Variants in CAPN7 observed in about 807,000 individuals in gnomAD.
CAPN7 encodes calpain 7, also known as calpain-7.
CAPN7 carries 72 observed loss-of-function variants against 115.2 expected under a neutral mutation model. The observed-to-expected ratio is 0.63, with a 90% CI of 0.52 to 0.76. The LOEUF (loss-of-function observed/expected upper bound fraction) is 0.76. Among genes scored for constraint, CAPN7 ranks in the 30% least tolerant of loss-of-function variants. The pLI is 0.00. For missense variants in CAPN7, 905 were observed against 971.5 expected (o/e 0.93, Z 0.91); for synonymous variants, 344 against 322.3 (o/e 1.07, Z -0.72).
intron 11 of CAPN7, 108 bp from the exon 12 acceptor site, chr3:15,234,917 A>C: frequency 2.4e-6 from 2 of 831,126 alleles, no homozygotes; most frequent in Non-Finnish European, 3.6e-6. Context: ...CTTCAGGGGT[A>C]GGAACAGCCC....
chr3:15,208,531 A>G (rs1268469670), intron 1 of CAPN7, among the ~76,000 whole-genome samples: 1 of 151,064 alleles, frequency 6.6e-6, no homozygotes, highest in Non-Finnish European at 1.5e-5. Context: ...TCCTGGGTCA[A>G]GCGATCTTCC....
intron 2 of CAPN7, among the ~76,000 whole-genome samples, chr3:15,214,708 C>T (rs769569555): frequency 2.6e-5 from 4 of 152,072 alleles, no homozygotes; most frequent in Non-Finnish European, 5.9e-5. Flanking sequence ...CAGAGTAAGA[C>T]CCTGTCTCGA....
At chr3:15,250,054 C>T (rs1452377385) in intron 19 of CAPN7, among the ~76,000 whole-genome samples, 5 of 150,512 alleles carry the variant, frequency 3.3e-5, no homozygotes, top group East Asian at 2.1e-4. Flanking sequence ...TGAGCCACCG[C>T]GCCTGGCCAA....
In CAPN7 at chr3:15,247,384, C is replaced by T. The variant is rs777072642; in HGVS notation, c.2131C>T (p.His711Tyr). Residue 711 changes from histidine to tyrosine, a missense_variant, in exon 19 of 21, where the codon CAC (histidine) becomes TAC (tyrosine). His to Tyr is a moderately conservative substitution (Grantham distance 83). This residue lies in a region of CAPN7 where 620 missense variants were observed against 703.4 expected (regional missense o/e 0.88). Coordinates refer to ENST00000253693, the MANE Select transcript of CAPN7 (RefSeq NM_014296.3). Reference sequence around the variant, plus strand: ...AGGATGTGGAAATTTCCAAGAGACTCACAAAAATAACCCCATCTACCAATT... The same window carrying T: ...AGGATGTGGAAATTTCCAAGAGACTTACAAAAATAACCCCATCTACCAATT... ...AGGCGNFQET[H>Y]KNNPIYQFHI... 3.1e-6 allele frequency: 5 copies of T among 1,610,206 alleles called. No individual in the cohort carries two copies. The South Asian group carries it at 5.5e-5, about 18-fold the overall frequency.
At chr3:15,217,367 G>A (rs928701796) in intron 2 of CAPN7, 58 bp from the exon 3 acceptor site, 17 of 1,336,256 alleles carry the variant, frequency 1.3e-5, no homozygotes, top group Non-Finnish European at 1.3e-5. Context: ...TGAAAATAGT[G>A]TGTTTTCTGG....
chr3:15,217,652 C>T (rs991505601), intron 3 of CAPN7, 70 bp downstream of exon 3: 17 of 1,257,804 alleles, frequency 1.4e-5, no homozygotes, highest in Admixed American at 2.5e-5. Context: ...GTGAATTTTA[C>T]ATAACACCTT....
chr3:15,228,748 A>G (rs1044777103), intron 7 of CAPN7, among the ~76,000 whole-genome samples: 9 of 152,154 alleles, frequency 5.9e-5, no homozygotes, highest in Non-Finnish European at 1.0e-4. Context: ...AAAAATAACT[A>G]TTGGGTACTG....
At chr3:15,215,692 A>G (rs1344821377) in intron 2 of CAPN7, among the ~76,000 whole-genome samples, 2 of 152,214 alleles carry the variant, frequency 1.3e-5, no homozygotes, top group African/African-American at 4.8e-5. Context: ...TGGCTGAGTA[A>G]TATTTCATTG....
intron 1 of CAPN7, 143 bp from the exon 2 acceptor site, chr3:15,211,956 CTACTT>C (rs2044979462): frequency 6.5e-6 from 3 of 461,560 alleles, no homozygotes; most frequent in Non-Finnish European, 1.2e-5. Flanking sequence ...GATTGTATAA[CTACTT>C]TATGAAAAAA....
chr3:15,220,648 T>C (rs780708044), intron 4 of CAPN7, 133 bp from the exon 5 acceptor site: 6 of 673,488 alleles, frequency 8.9e-6, no homozygotes, highest in Non-Finnish European at 1.5e-5. Context: ...AAATGTTGAT[T>C]AGTATGTAAG....
Position 15,206,610 on chromosome 3 carries a change from C to G in CAPN7, c.102+13C>G. 1 of 1,536,812 alleles carries G rather than the reference C, an allele frequency of 6.5e-7. No individual in the cohort carries two copies. The highest frequency in any genetic ancestry group is 1.4e-5 in the African/African-American group (1 of 71,540). On this transcript the variant is annotated intron_variant, in intron 1 of 20. Transcript: ENST00000253693. ...GTTTTATTACAAGGTAGGGCCGGGCCCGGCGCTTCGGTCGGAGTTGCTCAG... is the reference window on the plus strand; with the variant it reads ...GTTTTATTACAAGGTAGGGCCGGGCGCGGCGCTTCGGTCGGAGTTGCTCAG...
intron 12 of CAPN7, 140 bp downstream of exon 12, chr3:15,235,285 G>A: frequency 1.5e-6 from 1 of 679,984 alleles, no homozygotes; most frequent in East Asian, 2.8e-5. Context: ...ACATTAACTT[G>A]ATCTCTACCG....
chr3:15,247,859 A>G lies in CAPN7; in HGVS notation c.2204+402A>G, dbSNP rs540815046. ...TGCAGTTTTTAAAAAATAAAAACAC[A>G]TTCATGTCCTTTGTAGGGACATGGA... On this transcript the variant is annotated intron_variant, in intron 19 of 20. Coordinates refer to ENST00000253693, the MANE Select transcript of CAPN7 (RefSeq NM_014296.3). Among the ~76,000 whole-genome samples the G allele has an allele frequency of 1.6e-4, 25 of 152,328 alleles. No individual in the cohort carries two copies. The South Asian group carries it at 2.7e-3, about 16-fold the overall frequency.
chr3:15,248,022 T>C (rs1695770530), intron 19 of CAPN7, among the ~76,000 whole-genome samples: 1 of 146,110 alleles, frequency 6.8e-6, no homozygotes, highest in African/African-American at 2.8e-5. Flanking sequence ...CTGGGGACTG[T>C]TGTGGGGTGA....
intron 6 of CAPN7, among the ~76,000 whole-genome samples, chr3:15,225,333 T>C (rs1419200755): frequency 6.6e-6 from 1 of 152,228 alleles, no homozygotes; most frequent in Non-Finnish European, 1.5e-5. Flanking sequence ...CGAAAGCGAT[T>C]TATCATTGTT....
rs1694611340 is a variant in CAPN7, at chr3:15,230,401, T to TA, written c.939-40dup. Reference sequence around the variant, plus strand: ...GTGCTGTATAGTAGTTGATATTGAATACTAATGTTGGTATTTTAATATTTA... The same window carrying TA: ...GTGCTGTATAGTAGTTGATATTGAATAACTAATGTTGGTATTTTAATATTTA... On this transcript the variant is annotated intron_variant, in intron 8 of 20. Coordinates refer to ENST00000253693, the MANE Select transcript of CAPN7 (RefSeq NM_014296.3). 3.1e-6 allele frequency: 4 copies of TA among 1,303,000 alleles called. No individual in the cohort carries two copies. The South Asian group carries it at 4.7e-5, about 15-fold the overall frequency. 80.7% of individuals were successfully genotyped at this position (1,303,000 alleles called of 1,614,324 possible).
Position 15,206,560 on chromosome 3 carries a change from A to T in CAPN7, c.65A>T (p.His22Leu). The T allele has an allele frequency of 6.4e-7, 1 of 1,554,568 alleles. No homozygotes were observed. Among genetic ancestry groups the T allele is most frequent in the Non-Finnish European group, 8.7e-7 (1 of 1,149,348 alleles). Residue 22 changes from histidine to leucine, a missense_variant, in exon 1 of 21, where the codon CAC becomes CTC. Transcript: ENST00000253693. Reference protein sequence around the residue: ...QFARLAVQRDHEGRYSEAVFY... With the variant: ...QFARLAVQRDLEGRYSEAVFY... Reference sequence around the variant, plus strand: ...GCCCGTCTGGCGGTTCAGCGCGACCACGAAGGCCGCTACTCCGAGGCGGTG... The same window carrying T: ...GCCCGTCTGGCGGTTCAGCGCGACCTCGAAGGCCGCTACTCCGAGGCGGTG...
intron 2 of CAPN7, among the ~76,000 whole-genome samples, chr3:15,215,577 A>G (rs1233702520): frequency 6.6e-6 from 1 of 152,238 alleles, no homozygotes; most frequent in Non-Finnish European, 1.5e-5. Flanking sequence ...TACAAATGGA[A>G]TCATCCAAAA....
In CAPN7 at chr3:15,251,035, A is replaced by G. The variant is rs764568338; in HGVS notation, c.2297+12A>G. ...AGTGGTGACTATAGGTAATGTTGGC[A>G]TTTTTATTGTATCTATTTTATACTT... On this transcript the variant is annotated intron_variant, in intron 20 of 20. Transcript: ENST00000253693. The G allele has an allele frequency of 3.1e-6, 5 of 1,604,816 alleles. No homozygotes were observed. The highest frequency in any genetic ancestry group is 3.4e-5 in the Admixed American group (2 of 59,226).
Sources: allele counts gnomAD v4.1 joint callset (sites outside exome capture counted in the v4.1 genomes callset), GRCh38; gene constraint gnomAD v4.1.1; regional missense constraint gnomAD v4.1.1; transcripts MANE v1.5; gene names NCBI Gene and HGNC (gene_info 2026-07-23, HGNC 2026-07-21).